PDCD6: variants seen among roughly 807,000 people sequenced by gnomAD.
PDCD6 encodes the protein programmed cell death 6, also known as programmed cell death protein 6.
In PDCD6, 12 loss-of-function variants were observed where a neutral mutation model predicts 28.3. That is an observed-to-expected ratio of 0.42 (90% CI 0.27 to 0.69). The LOEUF (loss-of-function observed/expected upper bound fraction) is 0.69. PDCD6 is among the 30% of genes least tolerant of loss of function. The pLI is 0.22. For missense variants in PDCD6, 226 were observed against 269.9 expected (o/e 0.84, Z 1.14); for synonymous variants, 92 against 108.0 (o/e 0.85, Z 0.92).
At chr5:299,623 C>T in intron 2 of PDCD6, among the ~76,000 whole-genome samples, 1 of 151,718 alleles carries the variant, frequency 6.6e-6, no homozygotes, top group Non-Finnish European at 1.5e-5. Flanking sequence ...AATCTCAGCT[C>T]ACTGCAAGCT....
chr5:272,205 G>A (rs1240618369), intron 1 of PDCD6, among the ~76,000 whole-genome samples: 9 of 144,464 alleles, frequency 6.2e-5, no homozygotes, highest in Middle Eastern at 3.5e-3. Context: ...GAGCCGCCAG[G>A]TGGAGGGTCT....
intron 2 of PDCD6, among the ~76,000 whole-genome samples, chr5:296,459 CAAA>C (rs1295484879): frequency 6.6e-6 from 1 of 152,196 alleles, no homozygotes; most frequent in Non-Finnish European, 1.5e-5. Context: ...GGAAGAGATC[CAAA>C]TGCTCGTTCA....
chr5:303,127 C>T (rs754152134), intron 2 of PDCD6, among the ~76,000 whole-genome samples: 14 of 152,014 alleles, frequency 9.2e-5, no homozygotes, highest in Admixed American at 2.0e-4. Context: ...CAGGTGAGAG[C>T]GGGCATGGCA....
rs1269336276 is a variant in PDCD6 at position 298,686 on chromosome 5, T to TCAGCTGCTCCCCCC, written c.164-5480_164-5479insCCCCAGCTGCTCCC. On this transcript the variant is annotated intron_variant, in intron 2 of 5. Coordinates refer to ENST00000264933, the MANE Select transcript of PDCD6 (RefSeq NM_013232.4). ...GCTGCTCCCACTCAGCTGCTCCCAC[T>TCAGCTGCTCCCCCC]CAGCTGCTCCCACTCAGCTGCTCCC... Among the ~76,000 whole-genome samples, 41 of 43,838 alleles carry TCAGCTGCTCCCCCC rather than the reference T, an allele frequency of 9.4e-4. 2 individuals are homozygous for TCAGCTGCTCCCCCC. Among genetic ancestry groups the TCAGCTGCTCCCCCC allele is most frequent in the South Asian group, 6.4e-3 (7 of 1,100 alleles). 28.8% of individuals were successfully genotyped at this position (43,838 alleles called of 152,430 possible).
intron 2 of PDCD6, among the ~76,000 whole-genome samples, chr5:303,426 C>T (rs964444354): frequency 5.9e-5 from 9 of 151,830 alleles, no homozygotes; most frequent in Non-Finnish European, 1.0e-4. Context: ...GTACAAATCA[C>T]TCTGAAGATA....
At chr5:286,519 G>A (rs1738975371) in intron 2 of PDCD6, among the ~76,000 whole-genome samples, 1 of 151,992 alleles carries the variant, frequency 6.6e-6, no homozygotes, top group African/African-American at 2.4e-5. Flanking sequence ...ACCCGGGGAT[G>A]TGCTGATGTT....
In PDCD6 at chr5:304,077, C is replaced by G. The variant is rs916164969; in HGVS notation, c.164-100C>G. The stretch of plus-strand genomic sequence containing the variant: ...TGTCTAGAAAACCACTACCTTAGAG[C>G]CCCCACTGCTTTTCCTGGTGCCTCC... On this transcript the variant is annotated intron_variant, in intron 2 of 5. Coordinates refer to ENST00000264933, the MANE Select transcript of PDCD6 (RefSeq NM_013232.4). The G allele has an allele frequency of 1.9e-5, 29 of 1,497,010 alleles. 2 individuals carry two copies. The highest frequency in any genetic ancestry group is 2.6e-5 in the Non-Finnish European group (29 of 1,106,838). 92.7% of individuals were successfully genotyped at this position (1,497,010 alleles called of 1,614,324 possible). A position where few individuals can be genotyped will look rare whatever the true frequency, so the allele number is the denominator to read the frequency against.
intron 2 of PDCD6, among the ~76,000 whole-genome samples, chr5:293,985 G>A (rs1739444348): frequency 7.0e-6 from 1 of 142,074 alleles, no homozygotes; most frequent in South Asian, 2.2e-4. Context: ...GGCACTGGGA[G>A]CTGCAAACGC....
At chr5:296,363 C>T (rs940421880) in intron 2 of PDCD6, among the ~76,000 whole-genome samples, 21 of 152,246 alleles carry the variant, frequency 1.4e-4, no homozygotes, top group African/African-American at 4.6e-4. Flanking sequence ...ACAGAGGGGT[C>T]AGGGAGCTGT....
chr5:296,220 C>T (rs1325868818), intron 2 of PDCD6, among the ~76,000 whole-genome samples: 8 of 152,190 alleles, frequency 5.3e-5, no homozygotes, highest in Admixed American at 2.0e-4. Context: ...CAGTTCAACA[C>T]CAGATCTGAT....
At chr5:300,898 G>A (rs1392444299) in intron 2 of PDCD6, among the ~76,000 whole-genome samples, 4 of 152,098 alleles carry the variant, frequency 2.6e-5, no homozygotes, top group Admixed American at 6.5e-5. Context: ...ATGGCCGTCC[G>A]GTTCCTCCTG....
At chr5:296,359 G>A (rs907643822) in intron 2 of PDCD6, among the ~76,000 whole-genome samples, 5 of 152,120 alleles carry the variant, frequency 3.3e-5, no homozygotes, top group Non-Finnish European at 5.9e-5. Flanking sequence ...CGCCACAGAG[G>A]GGTCAGGGAG....
At chr5:309,562 C>T (rs924865259) in intron 4 of PDCD6, 7 of 247,240 alleles carry the variant, frequency 2.8e-5, no homozygotes, top group Non-Finnish European at 4.8e-5. Context: ...CCAGTAATGA[C>T]CTCTGTCCCC....
intron 2 of PDCD6, among the ~76,000 whole-genome samples, chr5:295,158 AAGAC>A (rs1739529974): frequency 6.6e-6 from 1 of 152,192 alleles, no homozygotes. Flanking sequence ...CCACAAGTCA[AAGAC>A]AGAGGGTGTC....
At position 305,014 on chromosome 5, in the gene PDCD6, G is replaced by C. The variant is rs1174336796; in HGVS notation, c.208+793G>C. On this transcript the variant is annotated intron_variant, in intron 3 of 5. Coordinates refer to ENST00000264933, the MANE Select transcript of PDCD6 (RefSeq NM_013232.4). This position sits in a 1 kb window ranked among gnomAD's most constrained non-coding sequence, Gnocchi z 4.0. ...GACGGTAGCCGGGGTGTGAGCTGAG[G>C]CTCCAGGCGCAGGCAGGTGTTCAGG... The C allele has an allele frequency of 2.6e-5, 4 of 152,198 alleles. No homozygotes were observed. Among genetic ancestry groups the C allele is most frequent in the Non-Finnish European group, 5.9e-5 (4 of 68,044 alleles). 9.4% of individuals were successfully genotyped at this position (152,198 alleles called of 1,614,324 possible).
At chr5:276,348 T>G (rs180755914) in intron 2 of PDCD6, 1 of 1,077,160 alleles carries the variant, frequency 9.3e-7, no homozygotes, top group African/African-American at 1.7e-5. Context: ...TAGTTCCCTC[T>G]CACTACTAGG....
chr5:303,889 G>A (rs1325062913), intron 2 of PDCD6, among the ~76,000 whole-genome samples: 5 of 151,012 alleles, frequency 3.3e-5, no homozygotes, highest in African/African-American at 9.9e-5. Context: ...ACCATTTCTT[G>A]GTTATCTGTT....
chr5:295,126 G>A lies in PDCD6; in HGVS notation c.164-9051G>A, dbSNP rs541580100. ...ACAGCAAACACTAGCTTCAGTACAC[G>A]CAGACTGAAGGAGGAAGGCTGCCAC... On this transcript the variant is annotated intron_variant, in intron 2 of 5. Transcript: ENST00000264933. Among the ~76,000 whole-genome samples, 9 of 152,242 alleles carry A rather than the reference G, an allele frequency of 5.9e-5. No individual in the cohort carries two copies. The East Asian group carries it at 1.2e-3, about 20-fold the overall frequency.
chr5:278,251 A>G (rs969580251), intron 2 of PDCD6, among the ~76,000 whole-genome samples: 3 of 152,176 alleles, frequency 2.0e-5, no homozygotes, highest in African/African-American at 7.2e-5. Context: ...AAAAATATTT[A>G]TTTAGAACAC....
Sources: gnomAD v4.1 joint callset for allele counts (sites outside exome capture counted in the v4.1 genomes callset) on GRCh38, gnomAD v4.1.1 for gene constraint, Gnocchi (gnomAD v3.1) non-coding constraint, MANE v1.5 for transcripts, NCBI Gene and HGNC (gene_info 2026-07-23, HGNC 2026-07-21) for gene names.